The following ATXN10 variants were observed in gnomAD, a reference collection of about 807,000 sequenced individuals.
The protein encoded by ATXN10 is ataxin 10.
In ATXN10, 28 loss-of-function variants were observed where a neutral mutation model predicts 52.9. The observed-to-expected ratio is 0.53, with a 90% CI of 0.39 to 0.73. The LOEUF (loss-of-function observed/expected upper bound fraction) is 0.73, where lower values mean the gene tolerates loss of function less well. ATXN10 is among the 30% of genes least tolerant of loss of function. The pLI is 0.00. For synonymous variants in ATXN10, 226 were observed against 221.5 expected (o/e 1.02, Z -0.18); for missense variants, 565 against 577.0 (o/e 0.98, Z 0.21).
Position 45,784,039 on chromosome 22 carries a change from G to A in ATXN10, c.1174-22920G>A, listed in dbSNP as rs1370745944. Among the ~76,000 whole-genome samples the A allele has an allele frequency of 1.3e-5, 2 of 152,024 alleles. No homozygotes were observed. ...ACAGCAGGCCAGGTCTGTGTCACTG[G>A]CCCTCCCTCTCCCCTTCTTAATCCT... On this transcript the variant is annotated intron_variant, in intron 9 of 11. Coordinates refer to ENST00000252934, the MANE Select transcript of ATXN10 (RefSeq NM_013236.4). The surrounding 1 kb of genome is among the most constrained non-coding windows in gnomAD (Gnocchi z 4.2).
At chr22:45,686,818 CA>C (rs66702783) in intron 1 of ATXN10, among the ~76,000 whole-genome samples, 97,004 of 123,466 alleles carry the variant, frequency 0.79, 37,501 homozygotes, top group African/African-American at 0.92. Context: ...GACTCCATCT[CA>C]AAAAAAAAAA....
rs534924651 is a variant in ATXN10 at position 45,732,639 on chromosome 22, A to G, written c.894+3049A>G. ...TTAAATATGCCAAAGACCAAGTGCTATACTGGAGCTGGCCTGTGGTGACTT... is the reference window on the plus strand; with the variant it reads ...TTAAATATGCCAAAGACCAAGTGCTGTACTGGAGCTGGCCTGTGGTGACTT... On this transcript the variant is annotated intron_variant, in intron 7 of 11. Coordinates refer to ENST00000252934, the MANE Select transcript of ATXN10 (RefSeq NM_013236.4). This position sits in a 1 kb window ranked among gnomAD's most constrained non-coding sequence, Gnocchi z 4.5. Among the ~76,000 whole-genome samples, 3 of 151,710 alleles carry G rather than the reference A, an allele frequency of 2.0e-5. No homozygotes were observed. The highest frequency in any genetic ancestry group is 4.4e-5 in the Non-Finnish European group (3 of 67,964).
At chr22:45,742,103 C>T (rs1350682451) in intron 9 of ATXN10, among the ~76,000 whole-genome samples, 1 of 151,884 alleles carries the variant, frequency 6.6e-6, no homozygotes, top group African/African-American at 2.4e-5. Flanking sequence ...AGGATGAAGT[C>T]ATTGTATTGA....
intron 10 of ATXN10, among the ~76,000 whole-genome samples, chr22:45,834,285 T>C (rs1213334938): frequency 6.6e-6 from 1 of 152,088 alleles, no homozygotes; most frequent in African/African-American, 2.4e-5. Context: ...ATCCCAAAGA[T>C]CACCAGGTAC....
chr22:45,782,674 ATGAG>A (rs1927189818), intron 9 of ATXN10, among the ~76,000 whole-genome samples: 1 of 152,204 alleles, frequency 6.6e-6, no homozygotes, highest in Admixed American at 6.5e-5. Flanking sequence ...TTACCACTAT[ATGAG>A]TGGTGGTTAC....
intron 9 of ATXN10, among the ~76,000 whole-genome samples, chr22:45,794,317 T>G (rs1927631257): frequency 1.3e-5 from 2 of 152,210 alleles, no homozygotes; most frequent in African/African-American, 4.8e-5. Context: ...TTCTGTCAAT[T>G]TTAACATTTT....
In ATXN10 at chr22:45,844,542, G is replaced by A. The variant is rs928996999; in HGVS notation, c.*871G>A. The A allele has an allele frequency of 6.6e-6, 1 of 152,188 alleles. No homozygotes were observed. The highest frequency in any genetic ancestry group is 6.5e-5 in the Admixed American group (1 of 15,284). The allele number at this position is 152,188 out of a possible 1,614,324, so 9.4% of individuals were successfully genotyped here. ...CACTGAAATTGCAAAAGTACTTTTA[G>A]GGAGCAGGAGTTTATTTGACATCTA... On this transcript the variant is annotated 3_prime_UTR_variant, in exon 12 of 12. Coordinates refer to ENST00000252934, the MANE Select transcript of ATXN10 (RefSeq NM_013236.4).
chr22:45,767,472 T>C (rs1283775077), intron 9 of ATXN10, among the ~76,000 whole-genome samples: 1 of 151,762 alleles, frequency 6.6e-6, no homozygotes, highest in Non-Finnish European at 1.5e-5. Context: ...TTTTTCTATA[T>C]AATTTAAAAA....
rs561560400 is a variant in ATXN10, at chr22:45,783,850, T to G, written c.1174-23109T>G. ...TGCTGTTGTCATGTTTGTGTCATGC[T>G]GATGGCACGATTCCCGAGGGCACCG... On this transcript the variant is annotated intron_variant, in intron 9 of 11. Coordinates refer to ENST00000252934, the MANE Select transcript of ATXN10 (RefSeq NM_013236.4). This position sits in a 1 kb window ranked among gnomAD's most constrained non-coding sequence, Gnocchi z 5.0. Among the ~76,000 whole-genome samples, 1 of 152,366 alleles carries G rather than the reference T, an allele frequency of 6.6e-6. No homozygotes were observed. The highest frequency in any genetic ancestry group is 2.1e-4 in the South Asian group (1 of 4,822).
chr22:45,729,060 C>T (rs1471583156), intron 6 of ATXN10, among the ~76,000 whole-genome samples: 2 of 152,088 alleles, frequency 1.3e-5, no homozygotes, highest in Non-Finnish European at 2.9e-5. Flanking sequence ...TGCTTAGCTC[C>T]GTAGAAAATG....
chr22:45,760,566 G>A (rs60308683), intron 9 of ATXN10: 12,998 of 153,862 alleles, frequency 0.084, 714 homozygotes, highest in Middle Eastern at 0.17. Context: ...TCAGAAGCTA[G>A]GAAGGCTTCT....
chr22:45,741,866 G>T (rs1435584702), intron 9 of ATXN10, among the ~76,000 whole-genome samples: 1 of 152,170 alleles, frequency 6.6e-6, no homozygotes, highest in Non-Finnish European at 1.5e-5. Context: ...TGGAAGAAGG[G>T]AATGACACAG....
intron 7 of ATXN10, among the ~76,000 whole-genome samples, chr22:45,729,990 C>T (rs1925025258): frequency 6.6e-6 from 1 of 152,104 alleles, no homozygotes; most frequent in Admixed American, 6.6e-5. Flanking sequence ...ATGGTAGGCA[C>T]TGAACAAGTA....
chr22:45,796,717 C>T (rs1215557588), intron 9 of ATXN10, among the ~76,000 whole-genome samples: 7 of 152,184 alleles, frequency 4.6e-5, no homozygotes, highest in African/African-American at 9.7e-5. Flanking sequence ...AGACTGGTCT[C>T]GAACTCCTGA....
chr22:45,824,702 T>C lies in ATXN10; in HGVS notation c.1237+17680T>C, dbSNP rs935805618. Among the ~76,000 whole-genome samples the C allele has an allele frequency of 6.6e-6, 1 of 152,234 alleles. No individual in the cohort carries two copies. The highest frequency in any genetic ancestry group is 2.4e-5 in the African/African-American group (1 of 41,468). The stretch of plus-strand genomic sequence containing the variant: ...GTGGCAGCTAGAAAACAAATTTGTA[T>C]TGATAACTGAATTGATAGAGGTTTT... On this transcript the variant is annotated intron_variant, in intron 10 of 11. Transcript: ENST00000252934. This position sits in a 1 kb window ranked among gnomAD's most constrained non-coding sequence, Gnocchi z 5.2.
In ATXN10 at chr22:45,700,071, C is replaced by G. The variant is rs575839464; in HGVS notation, c.392-211C>G. 6.6e-5 allele frequency among the ~76,000 whole-genome samples: 10 copies of G among 152,268 alleles called. No individual in the cohort carries two copies. The South Asian group carries it at 1.7e-3, about 25-fold the overall frequency. ...AAGTGATCCACCCGCCTTGGCCTCC[C>G]AAAGTGCTGGGATTACAGGCGTGAG... On this transcript the variant is annotated intron_variant, in intron 3 of 11. Coordinates refer to ENST00000252934, the MANE Select transcript of ATXN10 (RefSeq NM_013236.4).
At position 45,777,704 on chromosome 22, in the gene ATXN10, G is replaced by A. The variant is rs73444660; in HGVS notation, c.1174-29255G>A. 7.6e-3 allele frequency among the ~76,000 whole-genome samples: 1,155 copies of A among 152,322 alleles called. 11 individuals carry two copies. Among genetic ancestry groups the A allele is most frequent in the African/African-American group, 0.026 (1,081 of 41,566 alleles). On this transcript the variant is annotated intron_variant, in intron 9 of 11. Transcript: ENST00000252934. ...GATTTTCTTGTGAAAACAGATTTTGGATTAACTATGTCTGTGCACTTGCAC... is the reference window on the plus strand; with the variant it reads ...GATTTTCTTGTGAAAACAGATTTTGAATTAACTATGTCTGTGCACTTGCAC...
At chr22:45,726,875 T>G (rs1381640106) in intron 6 of ATXN10, among the ~76,000 whole-genome samples, 1 of 152,106 alleles carries the variant, frequency 6.6e-6, no homozygotes, top group Non-Finnish European at 1.5e-5. Context: ...AGAGACAGTA[T>G]TTCACCGTGT....
chr22:45,813,696 G>C (rs117082857), intron 10 of ATXN10, among the ~76,000 whole-genome samples: 1 of 152,230 alleles, frequency 6.6e-6, no homozygotes, highest in East Asian at 1.9e-4. Flanking sequence ...AGCTTTGTCT[G>C]TAGAATGGGA....
Sources: allele counts gnomAD v4.1 joint callset (sites outside exome capture counted in the v4.1 genomes callset), GRCh38; gene constraint gnomAD v4.1.1; non-coding constraint Gnocchi (gnomAD v3.1); transcripts MANE v1.5; gene names NCBI Gene and HGNC (gene_info 2026-07-23, HGNC 2026-07-21).